LRP1B: variants seen among roughly 807,000 people sequenced by gnomAD.
LRP1B encodes LDL receptor related protein 1B.
LRP1B carries 217 observed loss-of-function variants against 556.6 expected under a neutral mutation model. The ratio of observed to expected loss-of-function variants is 0.39; its 90% confidence interval spans 0.35 to 0.44. LRP1B has a LOEUF of 0.44. Among genes scored for constraint, LRP1B ranks in the 20% least tolerant of loss-of-function variants. The pLI is 1.00. For synonymous variants in LRP1B, 2,047 were observed against 1,865.8 expected (o/e 1.10, Z -2.50); for missense variants, 5,053 against 5,620.8 (o/e 0.90, Z 3.23).
chr2:141,779,752 C>T (rs979128260), intron 2 of LRP1B, among the ~76,000 whole-genome samples: 3 of 151,858 alleles, frequency 2.0e-5, no homozygotes, highest in African/African-American at 7.3e-5. Flanking sequence ...GGAAATTGAA[C>T]CTCAGGGAGG....
chr2:140,737,146 A>C (rs951315190), intron 35 of LRP1B, among the ~76,000 whole-genome samples: 1 of 152,140 alleles, frequency 6.6e-6, no homozygotes, highest in Non-Finnish European at 1.5e-5. Context: ...GACCTAAATG[A>C]ATTTTTAGTT....
chr2:140,594,866 T>C (rs1047798991), intron 43 of LRP1B, among the ~76,000 whole-genome samples: 2 of 151,940 alleles, frequency 1.3e-5, no homozygotes, highest in African/African-American at 4.8e-5. Flanking sequence ...GAACGATGTT[T>C]TGCGTCTCTT....
At chr2:140,837,346 A>C (rs2105089227) in intron 31 of LRP1B, among the ~76,000 whole-genome samples, 1 of 152,340 alleles carries the variant, frequency 6.6e-6, no homozygotes, top group Non-Finnish European at 1.5e-5. Context: ...GGACAGTGTC[A>C]AATTTTTATC....
chr2:141,935,078 A>T (rs1443118273), intron 1 of LRP1B, among the ~76,000 whole-genome samples: 2 of 152,146 alleles, frequency 1.3e-5, no homozygotes, highest in African/African-American at 4.8e-5. Flanking sequence ...ACAGTAAGAC[A>T]GACAGTAATT....
intron 1 of LRP1B, among the ~76,000 whole-genome samples, chr2:142,099,014 T>C (rs1706476836): frequency 6.6e-6 from 1 of 151,856 alleles, no homozygotes. Context: ...CTTCAATAAA[T>C]GGACAGGCAA....
intron 3 of LRP1B, among the ~76,000 whole-genome samples, chr2:141,289,311 G>A (rs910672846): frequency 1.2e-4 from 18 of 149,644 alleles, no homozygotes; most frequent in Non-Finnish European, 1.9e-4. Context: ...GAACCCAGGA[G>A]GCGGAGCTTG....
intron 32 of LRP1B, among the ~76,000 whole-genome samples, chr2:140,793,229 T>A (rs1268932859): frequency 2.0e-5 from 3 of 152,018 alleles, no homozygotes; most frequent in Non-Finnish European, 4.4e-5. Flanking sequence ...CCATTTTTTA[T>A]AATTTACTAC....
At chr2:140,450,120 T>A (rs1460791738) in intron 63 of LRP1B, among the ~76,000 whole-genome samples, 2 of 152,176 alleles carry the variant, frequency 1.3e-5, no homozygotes, top group South Asian at 2.1e-4. Flanking sequence ...TCAGACTTTT[T>A]AAGAATTTTC....
At chr2:141,483,954 G>A (rs1392961789) in intron 2 of LRP1B, among the ~76,000 whole-genome samples, 1 of 151,624 alleles carries the variant, frequency 6.6e-6, no homozygotes, top group Admixed American at 6.6e-5. Context: ...CTGTGCAGAA[G>A]CTCTTTAGTT....
intron 35 of LRP1B, among the ~76,000 whole-genome samples, chr2:140,729,393 G>C (rs1336280931): frequency 6.6e-6 from 1 of 152,052 alleles, no homozygotes; most frequent in African/African-American, 2.4e-5. Flanking sequence ...CTGTGTAAGG[G>C]CTAGCCAAAT....
At chr2:141,077,666 A>G (rs550699147) in intron 7 of LRP1B, among the ~76,000 whole-genome samples, 77 of 152,324 alleles carry the variant, frequency 5.1e-4, no homozygotes, top group African/African-American at 1.8e-3. Context: ...TCCCCCGAGG[A>G]AGAAGTTCCA....
rs1178697443 is a variant in LRP1B at position 141,049,175 on chromosome 2, T to C, written c.1600A>G (p.Ile534Val). ...FLFYGKGRPG[I>V]VRGMDLNTKI... is the part of the protein sequence containing the mutation. ...GTATTCAAGTCCATTCCTCTAACAA[T>C]TCCTGGGCGTCCTTTCCCATAAAAG... is the stretch of plus-strand genomic sequence containing the variant. The change falls in exon 11 of 91, where the codon ATT becomes GTT. Residue 534 changes from isoleucine (I) to valine (V), a missense_variant. By Grantham distance (29) the Ile-to-Val change is conservative. Transcript: ENST00000389484. 2 of 1,613,562 alleles carry C rather than the reference T, an allele frequency of 1.2e-6. No individual in the cohort carries two copies. The highest frequency in any genetic ancestry group is 8.5e-7 in the Non-Finnish European group (1 of 1,179,676).
chr2:141,511,480 CT>C (rs1684130406), intron 2 of LRP1B, among the ~76,000 whole-genome samples: 1 of 152,114 alleles, frequency 6.6e-6, no homozygotes, highest in South Asian at 2.1e-4. Context: ...TTAAATGTTT[CT>C]CTATTTTAAA....
intron 27 of LRP1B, among the ~76,000 whole-genome samples, chr2:140,859,714 G>T (rs1339550477): frequency 6.6e-6 from 1 of 151,960 alleles, no homozygotes; most frequent in Non-Finnish European, 1.5e-5. Context: ...AAATTGCCTG[G>T]CCGTGTGCGG....
intron 7 of LRP1B, among the ~76,000 whole-genome samples, chr2:141,179,370 T>C (rs1680892268): frequency 6.6e-6 from 1 of 152,098 alleles, no homozygotes; most frequent in Non-Finnish European, 1.5e-5. Flanking sequence ...AATCTCATTT[T>C]ATTCCTCACT....
At chr2:141,774,018 C>T (rs916439924) in intron 2 of LRP1B, among the ~76,000 whole-genome samples, 1 of 152,190 alleles carries the variant, frequency 6.6e-6, no homozygotes, top group Non-Finnish European at 1.5e-5. Context: ...AACAACAACT[C>T]GTGATGGCTG....
At chr2:141,874,150 T>A (rs546694963) in intron 1 of LRP1B, among the ~76,000 whole-genome samples, 18 of 150,662 alleles carry the variant, frequency 1.2e-4, no homozygotes, top group Admixed American at 8.6e-4. Flanking sequence ...ATCCGGAATG[T>A]TTATCTGATT....
At chr2:141,114,488 G>C (rs1191829052) in intron 7 of LRP1B, among the ~76,000 whole-genome samples, 1 of 152,104 alleles carries the variant, frequency 6.6e-6, no homozygotes, top group Admixed American at 6.5e-5. Flanking sequence ...CCTGGAATTT[G>C]GCCTTTCATG....
At chr2:140,327,743 C>A (rs1680566922) in intron 79 of LRP1B, among the ~76,000 whole-genome samples, 1 of 151,970 alleles carries the variant, frequency 6.6e-6, no homozygotes, top group African/African-American at 2.4e-5. Context: ...CCAATTTAAT[C>A]AACAATATTG....
Sources: gnomAD v4.1 joint callset for allele counts (sites outside exome capture counted in the v4.1 genomes callset) on GRCh38, gnomAD v4.1.1 for gene constraint, MANE v1.5 for transcripts, NCBI Gene and HGNC (gene_info 2026-07-23, HGNC 2026-07-21) for gene names.